EXOC4: variants seen among roughly 807,000 people sequenced by gnomAD.
EXOC4 encodes the protein SEC8-like 1.
EXOC4 carries 71 observed loss-of-function variants against 107.2 expected under a neutral mutation model. The ratio of observed to expected loss-of-function variants is 0.66; its 90% CI spans 0.55 to 0.81. EXOC4 has a LOEUF of 0.81. Ranked by LOEUF, EXOC4 falls within the 30% of genes least tolerant of loss-of-function variation. EXOC4 has a pLI of 0.00. For missense variants in EXOC4, 1,108 were observed against 1,189.6 expected, an observed-to-expected ratio of 0.93 and a Z score of 1.01; for synonymous variants, 456 against 441.2, an observed-to-expected ratio of 1.03 and a Z score of -0.42.
At chr7:133,707,933 A>T (rs1441324747) in intron 10 of EXOC4, among the ~76,000 whole-genome samples, 1 of 152,166 alleles carries the variant, frequency 6.6e-6, no homozygotes, top group Admixed American at 6.5e-5. Context: ...GGATTTTGAA[A>T]TTCTGAAACT....
chr7:133,499,400 A>C (rs371533271), intron 9 of EXOC4, among the ~76,000 whole-genome samples: 1 of 152,216 alleles, frequency 6.6e-6, no homozygotes, highest in South Asian at 2.1e-4. Flanking sequence ...TTTTCCCTTC[A>C]AGTTTAGAGC....
At chr7:134,019,880 A>C (rs17167391) in intron 17 of EXOC4, among the ~76,000 whole-genome samples, 27,062 of 151,906 alleles carry the variant, frequency 0.18, 3,302 homozygotes, top group East Asian at 0.43. Context: ...TAACTGTTTT[A>C]ATCAGCTTTA....
chr7:133,719,886 A>T lies in EXOC4; in HGVS notation c.1514+89745A>T, dbSNP rs533264182. Among the ~76,000 whole-genome samples the T allele has an allele frequency of 2.6e-5, 4 of 152,142 alleles. No individual in the cohort carries two copies. In the East Asian group the frequency reaches 7.7e-4, roughly 29 times the overall value. On this transcript the variant is annotated intron_variant, in intron 10 of 17. Transcript: ENST00000253861. ...CCCCGTCTAGCATAATGCTTGTAAGAAACTAACTTCTCAGGAAAGGATGGA... is the reference window on the plus strand; with the variant it reads ...CCCCGTCTAGCATAATGCTTGTAAGTAACTAACTTCTCAGGAAAGGATGGA...
intron 1 of EXOC4, among the ~76,000 whole-genome samples, chr7:133,262,238 A>G (rs974539714): frequency 6.6e-6 from 1 of 152,228 alleles, no homozygotes; most frequent in Non-Finnish European, 1.5e-5. Flanking sequence ...GGGTGCAGTG[A>G]TATGTGCCTG....
At chr7:133,280,905 A>C (rs1206860794) in intron 2 of EXOC4, among the ~76,000 whole-genome samples, 1 of 152,202 alleles carries the variant, frequency 6.6e-6, no homozygotes, top group Non-Finnish European at 1.5e-5. Flanking sequence ...TGGTTTCTAG[A>C]AATGGACATG....
chr7:133,788,586 G>A (rs1342237418), intron 10 of EXOC4, among the ~76,000 whole-genome samples: 9 of 151,874 alleles, frequency 5.9e-5, no homozygotes, highest in African/African-American at 2.2e-4. Flanking sequence ...TCCACCTCCC[G>A]GGTTCAAGCA....
chr7:133,850,899 A>G (rs1325248376), intron 11 of EXOC4, among the ~76,000 whole-genome samples: 1 of 152,142 alleles, frequency 6.6e-6, no homozygotes. Flanking sequence ...TTTCTGCAAG[A>G]TGACTATCAT....
chr7:134,035,022 T>G (rs991911105), intron 17 of EXOC4, among the ~76,000 whole-genome samples: 1 of 150,930 alleles, frequency 6.6e-6, no homozygotes, highest in Non-Finnish European at 1.5e-5. Flanking sequence ...ATAAAAAGGT[T>G]TTTTTTCTTT....
chr7:133,859,639 G>A (rs781652973), intron 11 of EXOC4, among the ~76,000 whole-genome samples: 1 of 152,160 alleles, frequency 6.6e-6, no homozygotes, highest in African/African-American at 2.4e-5. Flanking sequence ...TGCCATCCTT[G>A]AACACTTAGG....
chr7:133,340,072 A>G (rs150386190), intron 5 of EXOC4, among the ~76,000 whole-genome samples: 1 of 152,266 alleles, frequency 6.6e-6, no homozygotes, highest in Non-Finnish European at 1.5e-5. Flanking sequence ...GAAACTGGAT[A>G]TCCTTGTCTT....
At chr7:134,097,373 A>AG in the EXOC4 span, among the ~76,000 whole-genome samples, 99 of 152,088 alleles carry the variant, frequency 6.5e-4, no homozygotes, top group African/African-American at 2.4e-3. Context: ...TGTTACAGAT[A>AG]GAAAAAAAAA....
intron 14 of EXOC4, among the ~76,000 whole-genome samples, chr7:133,954,638 G>T (rs1800772443): frequency 6.6e-6 from 1 of 152,248 alleles, no homozygotes; most frequent in South Asian, 2.1e-4. Flanking sequence ...CCAGCAGGAA[G>T]CCTCTGTGGC....
chr7:133,470,656 G>C (rs7800543), intron 7 of EXOC4, among the ~76,000 whole-genome samples: 140,096 of 152,186 alleles, frequency 0.92, 65,600 homozygotes, highest in East Asian at 1. Context: ...CATCAATTTT[G>C]ACTATTATTT....
At chr7:133,867,099 T>C (rs1282007826) in intron 11 of EXOC4, among the ~76,000 whole-genome samples, 1 of 152,176 alleles carries the variant, frequency 6.6e-6, no homozygotes, top group Non-Finnish European at 1.5e-5. Flanking sequence ...GTCCAGGCAT[T>C]CCCAGGCCAA....
intron 10 of EXOC4, among the ~76,000 whole-genome samples, chr7:133,692,075 A>T (rs771956282): frequency 6.6e-6 from 1 of 152,152 alleles, no homozygotes; most frequent in African/African-American, 2.4e-5. Flanking sequence ...CTTCTCACCT[A>T]TGCATAAATA....
In EXOC4 at chr7:133,823,895, T is replaced by A. The variant is rs1440484662; in HGVS notation, c.1734+6351T>A. 4.2e-3 allele frequency among the ~76,000 whole-genome samples: 74 copies of A among 17,820 alleles called. 3 individuals carry two copies. Among genetic ancestry groups the A allele is most frequent in the African/African-American group, 0.022 (29 of 1,344 alleles). The allele number at this position is 17,820 out of a possible 152,430, so 11.7% of individuals were successfully genotyped here. ...TATTATATATATATATATATATATT[T>A]TATATATATATATATAAATATATAT... is the stretch of plus-strand genomic sequence containing the variant. On this transcript the variant is annotated intron_variant, in intron 11 of 17. Transcript: ENST00000253861.
intron 12 of EXOC4, among the ~76,000 whole-genome samples, chr7:133,916,477 G>A (rs997900729): frequency 3.4e-5 from 5 of 145,992 alleles, no homozygotes; most frequent in Admixed American, 1.3e-4. Flanking sequence ...CTGTGTTGCC[G>A]AGGCCAGTCT....
intron 12 of EXOC4, among the ~76,000 whole-genome samples, chr7:133,905,803 G>C (rs184778124): frequency 6.6e-6 from 1 of 152,148 alleles, no homozygotes; most frequent in African/African-American, 2.4e-5. Context: ...TCAGAGAGGA[G>C]CTAGAACTCA....
At position 133,397,138 on chromosome 7, in the gene EXOC4, T is replaced by TC. The variant is rs59711198; in HGVS notation, c.1182+22136_1182+22137insC. Among the ~76,000 whole-genome samples the TC allele has an allele frequency of 9.6e-3, 1,342 of 139,702 alleles. 13 individuals are homozygous for TC. Among genetic ancestry groups the TC allele is most frequent in the Non-Finnish European group, 0.014 (905 of 63,422 alleles). 91.6% of individuals were successfully genotyped at this position (139,702 alleles called of 152,430 possible). A position where few individuals can be genotyped will look rare whatever the true frequency, so the allele number is the denominator to read the frequency against. On this transcript the variant is annotated intron_variant, in intron 7 of 17. Transcript: ENST00000253861. Reference sequence around the variant, plus strand: ...TGTTTCATTTGGTTTTCTTTTCTTTTTTTTTTTGAGACGGAATTTCGCTCT... The same window carrying TC: ...TGTTTCATTTGGTTTTCTTTTCTTTTCTTTTTTTGAGACGGAATTTCGCTCT...
Sources: allele counts gnomAD v4.1 joint callset (sites outside exome capture counted in the v4.1 genomes callset), GRCh38; gene constraint gnomAD v4.1.1; transcripts MANE v1.5; gene names NCBI Gene and HGNC (gene_info 2026-07-23, HGNC 2026-07-21).